NMD3: variants seen among roughly 807,000 people sequenced by gnomAD.
NMD3 encodes the protein NMD3 ribosome export adaptor.
A neutral mutation model predicts 73.1 loss-of-function variants in NMD3; 47 were observed. That is an observed-to-expected ratio of 0.64 (90% CI 0.51 to 0.82). NMD3 has a LOEUF of 0.82. NMD3 is among the 40% of genes least tolerant of loss of function. NMD3 has a pLI of 0.00. For missense variants in NMD3, 554 were observed against 612.5 expected, an observed-to-expected ratio of 0.90 and a Z score of 1.01; for synonymous variants, 210 against 194.5, an observed-to-expected ratio of 1.08 and a Z score of -0.66.
chr3:161,249,829 C>T (rs1737408257), intron 14 of NMD3: 1 of 465,498 alleles, frequency 2.1e-6, no homozygotes, highest in Non-Finnish European at 3.8e-6. Context: ...TCATACTTTG[C>T]TTAACAATGG....
intron 10 of NMD3, 51 bp from the exon 11 acceptor site, chr3:161,242,457 A>G: frequency 1.3e-6 from 2 of 1,524,692 alleles, no homozygotes; most frequent in Non-Finnish European, 1.8e-6. Context: ...ACATTTGATA[A>G]TTGAAATATA....
chr3:161,239,229 G>T (rs192851142), intron 9 of NMD3, among the ~76,000 whole-genome samples: 2 of 152,232 alleles, frequency 1.3e-5, no homozygotes, highest in Admixed American at 1.3e-4. Context: ...AAAGAATATT[G>T]TGATAATGTG....
chr3:161,235,123 C>T lies in NMD3; in HGVS notation c.488C>T (p.Thr163Ile), dbSNP rs751260510. ...WKAVIQVRQK[T>I]LHKKTFYYLE... ...TTGATCAAATAATTTATATTTTAGA[C>T]TTTGCATAAAAAAACTTTCTACTAT... Residue 163 changes from threonine (T) to isoleucine (I), a missense_variant and splice_region_variant, in exon 7 of 16, where the codon ACT (threonine) becomes ATT (isoleucine). By Grantham distance (89) the Thr-to-Ile change is moderately conservative. Transcript: ENST00000351193. 1.5e-5 allele frequency: 21 copies of T among 1,439,288 alleles called. No homozygotes were observed. Among genetic ancestry groups the T allele is most frequent in the East Asian group, 2.3e-5 (1 of 43,722 alleles). The allele number at this position is 1,439,288 out of a possible 1,614,324, so 89.2% of individuals were successfully genotyped here.
intron 9 of NMD3, 41 bp downstream of exon 9, chr3:161,238,867 A>T (rs780366061): frequency 5.2e-6 from 5 of 960,970 alleles, no homozygotes; most frequent in Non-Finnish European, 8.0e-6. Flanking sequence ...GTAAAAGAGT[A>T]CAAGTAATTA....
At chr3:161,235,239 A>C in intron 7 of NMD3, 27 bp downstream of exon 7, 1 of 1,112,552 alleles carries the variant, frequency 9.0e-7, no homozygotes, top group Non-Finnish European at 1.3e-6. Flanking sequence ...AAGCATTTGA[A>C]ATTATGTCAG....
Position 161,249,543 on chromosome 3 carries a change from G to A in NMD3, c.1293G>A (p.Met431Ile). The change falls in exon 14 of 16, where the codon ATG becomes ATA. Residue 431 changes from methionine to isoleucine, a missense_variant. Transcript: ENST00000351193. ...LKELAREREN[M>I]DTDDERQYQD... ...AGCTTGCAAGAGAGAGAGAAAACAT[G>A]GATACAGATGATGAAAGGTCTCGCT... 6.2e-7 allele frequency: 1 copy of A among 1,603,746 alleles called. No homozygotes were observed. Among genetic ancestry groups the A allele is most frequent in the East Asian group, 2.2e-5 (1 of 44,710 alleles).
chr3:161,247,148 G>C (rs1402822137), intron 12 of NMD3, 110 bp from the exon 13 acceptor site: 3 of 644,726 alleles, frequency 4.7e-6, no homozygotes, highest in East Asian at 5.4e-5. Context: ...TTTAAAGTGA[G>C]AAGCATATTA....
intron 2 of NMD3, chr3:161,223,109 G>C (rs991733477): frequency 2.6e-5 from 4 of 152,252 alleles, no homozygotes; most frequent in African/African-American, 9.6e-5. Flanking sequence ...ACTTCTGGAA[G>C]AGCCTGGTTA....
intron 7 of NMD3, 59 bp from the exon 8 acceptor site, chr3:161,238,051 TTAG>T (rs1315040302): frequency 9.5e-7 from 1 of 1,056,552 alleles, no homozygotes; most frequent in Non-Finnish European, 1.4e-6. Context: ...TATAGTCATG[TTAG>T]TAGAGGAGAA....
intron 2 of NMD3, 134 bp downstream of exon 2, chr3:161,222,191 T>A: frequency 1.4e-6 from 1 of 719,220 alleles, no homozygotes; most frequent in Non-Finnish European, 2.4e-6. Flanking sequence ...ATAGAAGTCT[T>A]ATTTCTGTAG....
At chr3:161,241,289 A>G (rs1736975510) in intron 10 of NMD3, 126 bp downstream of exon 10, 7 of 631,336 alleles carry the variant, frequency 1.1e-5, no homozygotes, top group Middle Eastern at 3.2e-4. Flanking sequence ...AATTTGTGCT[A>G]TTGTTTAATA....
intron 4 of NMD3, among the ~76,000 whole-genome samples, chr3:161,228,366 TA>T (rs1274343835): frequency 1.3e-5 from 2 of 152,164 alleles, no homozygotes; most frequent in African/African-American, 2.4e-5. Context: ...CTTCATATTT[TA>T]AAAAACCTTT....
chr3:161,234,597 G>A, intron 5 of NMD3, 130 bp from the exon 6 acceptor site: 1 of 617,820 alleles, frequency 1.6e-6, no homozygotes, highest in East Asian at 3.1e-5. Flanking sequence ...TAAATTTGAG[G>A]ACATTTGATT....
At chr3:161,248,675 GA>G (rs1181543238) in intron 13 of NMD3, among the ~76,000 whole-genome samples, 1 of 152,014 alleles carries the variant, frequency 6.6e-6, no homozygotes, top group Non-Finnish European at 1.5e-5. Flanking sequence ...TCAAGCCTTG[GA>G]AAAAAACTAT....
rs1169313650 is a variant in NMD3, at chr3:161,244,590, A to G, written c.1018-1746A>G. Among the ~76,000 whole-genome samples, 11 of 131,148 alleles carry G rather than the reference A, an allele frequency of 8.4e-5. No individual in the cohort carries two copies. In the South Asian group the frequency reaches 2.6e-3, roughly 31 times the overall value. 86.0% of individuals were successfully genotyped at this position (131,148 alleles called of 152,430 possible). On this transcript the variant is annotated intron_variant, in intron 11 of 15. Transcript: ENST00000351193. ...GTATAAGTATTGTATCATTTACTGT[A>G]TTTTCTTTTGTTTTCTTCTTCTCTC... is the stretch of plus-strand genomic sequence containing the variant.
chr3:161,226,166 C>T (rs1736306250), intron 3 of NMD3, among the ~76,000 whole-genome samples: 1 of 151,908 alleles, frequency 6.6e-6, no homozygotes, highest in Non-Finnish European at 1.5e-5. Context: ...TAAACGTTTA[C>T]TCATAGGCCA....
intron 12 of NMD3, among the ~76,000 whole-genome samples, chr3:161,246,827 T>G (rs1479552078): frequency 6.6e-6 from 1 of 152,206 alleles, no homozygotes; most frequent in East Asian, 1.9e-4. Context: ...TGTAAAGGCA[T>G]AGATCAGTTC....
chr3:161,223,947 AT>A (rs1320343898), intron 2 of NMD3, among the ~76,000 whole-genome samples: 3 of 152,198 alleles, frequency 2.0e-5, no homozygotes, highest in African/African-American at 7.2e-5. Context: ...GTAAAAGTTA[AT>A]GTGAATGTTT....
In NMD3 at chr3:161,250,974, C is replaced by T; in HGVS notation, c.*64C>T. ...AGTTGGACAGAGTTACCTTAAGTGT[C>T]TCTACTATCTTTGCCTCCAGATTTC... is the stretch of plus-strand genomic sequence containing the variant. On this transcript the variant is annotated 3_prime_UTR_variant, in exon 16 of 16. Transcript: ENST00000351193. 1 of 1,345,570 alleles carries T rather than the reference C, an allele frequency of 7.4e-7. No individual in the cohort carries two copies. Among genetic ancestry groups the T allele is most frequent in the South Asian group, 1.3e-5 (1 of 75,612 alleles). 83.4% of individuals were successfully genotyped at this position (1,345,570 alleles called of 1,614,324 possible).
Sources: allele counts gnomAD v4.1 joint callset (sites outside exome capture counted in the v4.1 genomes callset), GRCh38; gene constraint gnomAD v4.1.1; transcripts MANE v1.5; gene names NCBI Gene and HGNC (gene_info 2026-07-23, HGNC 2026-07-21).